The following ZNF654 variants were observed in gnomAD, a reference collection of about 807,000 sequenced individuals.
ZNF654 encodes melanoma-associated antigen.
In ZNF654, 19 loss-of-function variants were observed where a neutral mutation model predicts 95.3. That is an observed-to-expected ratio of 0.20 (90% CI 0.14 to 0.29). ZNF654 has a LOEUF of 0.29. Ranked by LOEUF, ZNF654 falls within the 10% of genes least tolerant of loss-of-function variation. The probability of loss-of-function intolerance (pLI) is 1.00; values close to 1 mark genes in which losing one functional copy is unlikely to be tolerated. For synonymous variants in ZNF654, 413 were observed against 457.9 expected (o/e 0.90, Z 1.25); for missense variants, 1,046 against 1,341.0 (o/e 0.78, Z 3.44).
At chr3:88,118,845 A>G (rs2107790309) in intron 3 of ZNF654, among the ~76,000 whole-genome samples, 1 of 152,188 alleles carries the variant, frequency 6.6e-6, no homozygotes, top group South Asian at 2.1e-4. Flanking sequence ...ATACCATCTC[A>G]CACCAGTTAG....
Position 88,113,099 on chromosome 3 carries a change from C to T in ZNF654, c.333-16C>T. 6.7e-7 allele frequency: 1 copy of T among 1,500,438 alleles called. No homozygotes were observed. Among genetic ancestry groups the T allele is most frequent in the Non-Finnish European group, 8.9e-7 (1 of 1,118,078 alleles). 92.9% of individuals were successfully genotyped at this position (1,500,438 alleles called of 1,614,324 possible). On this transcript the variant is annotated splice_polypyrimidine_tract_variant and intron_variant, in intron 2 of 8. Transcript: ENST00000636215. ...ACTCAAAGAAGCAATGAAAGTTATT[C>T]ACTTATTCTTTCTAGGAGTTTCTTT...
At chr3:88,101,790 T>C (rs540071639) in intron 2 of ZNF654, among the ~76,000 whole-genome samples, 2 of 152,270 alleles carry the variant, frequency 1.3e-5, no homozygotes, top group South Asian at 2.1e-4. Flanking sequence ...CAATTTCTTA[T>C]GGGGGTAGCA....
chr3:88,130,567 C>T lies in ZNF654; in HGVS notation c.893+741C>T, dbSNP rs1706391124. Reference sequence around the variant, plus strand: ...CTGGGCTCAAGTGATTTTCCCGCCTCAGCCTCCTCAGTAGCTGGGACTACA... The same window carrying T: ...CTGGGCTCAAGTGATTTTCCCGCCTTAGCCTCCTCAGTAGCTGGGACTACA... On this transcript the variant is annotated intron_variant, in intron 6 of 8. Transcript: ENST00000636215. 2.6e-5 allele frequency among the ~76,000 whole-genome samples: 4 copies of T among 151,806 alleles called. No individual in the cohort carries two copies. The South Asian group carries it at 6.2e-4, about 24-fold the overall frequency.
intron 6 of ZNF654, 108 bp from the exon 7 acceptor site, chr3:88,134,953 C>T: frequency 1.4e-6 from 1 of 691,350 alleles, no homozygotes; most frequent in Non-Finnish European, 2.1e-6. Context: ...TACATATTTA[C>T]ACTCATATAC....
chr3:88,100,265 A>G (rs1176079507), intron 2 of ZNF654, among the ~76,000 whole-genome samples: 1 of 152,196 alleles, frequency 6.6e-6, no homozygotes, highest in African/African-American at 2.4e-5. Flanking sequence ...AATCAAAACC[A>G]CAATGAGATA....
chr3:88,078,837 A>G (rs969791487), intron 1 of ZNF654, among the ~76,000 whole-genome samples: 3 of 152,074 alleles, frequency 2.0e-5, no homozygotes, highest in African/African-American at 7.2e-5. Flanking sequence ...ACTGTTGACT[A>G]AAGAATACTG....
chr3:88,099,769 A>G (rs1704293827), intron 2 of ZNF654, among the ~76,000 whole-genome samples: 1 of 152,206 alleles, frequency 6.6e-6, no homozygotes. Context: ...CTGGCTAGCC[A>G]TATGTAGAAA....
In ZNF654 at chr3:88,059,430, A is replaced by G. The variant is rs1706706288; in HGVS notation, c.111A>G (p.Arg37=). Residue 37 remains arginine (R), a synonymous_variant, in exon 1 of 9, where the codon AGA becomes AGG. Transcript: ENST00000636215. ...PVGLRAAGDG[R]GGAGSGNCGG... ...GGCTTAGAGCTGCGGGCGACGGCAGAGGCGGCGCTGGCAGCGGCAACTGCG... is the reference window on the plus strand; with the variant it reads ...GGCTTAGAGCTGCGGGCGACGGCAGGGGCGGCGCTGGCAGCGGCAACTGCG... The G allele has an allele frequency of 6.6e-7, 1 of 1,522,504 alleles. No individual in the cohort carries two copies. Among genetic ancestry groups the G allele is most frequent in the East Asian group, 2.5e-5 (1 of 40,102 alleles). The allele number at this position is 1,522,504 out of a possible 1,614,324, so 94.3% of individuals were successfully genotyped here. A position where few individuals can be genotyped will look rare whatever the true frequency, so the allele number is the denominator to read the frequency against.
At chr3:88,077,355 A>G (rs965882980) in intron 1 of ZNF654, among the ~76,000 whole-genome samples, 17 of 145,270 alleles carry the variant, frequency 1.2e-4, no homozygotes, top group Non-Finnish European at 1.5e-5. Context: ...TTTTTTTGAG[A>G]CGGAGTCTCG....
chr3:88,072,176 T>A (rs527762880), intron 1 of ZNF654, among the ~76,000 whole-genome samples: 1 of 152,202 alleles, frequency 6.6e-6, no homozygotes, highest in East Asian at 1.9e-4. Context: ...AACTGAATTA[T>A]CTAGTAAGGG....
intron 1 of ZNF654, among the ~76,000 whole-genome samples, chr3:88,084,024 T>A (rs1489215699): frequency 1.3e-5 from 2 of 151,932 alleles, no homozygotes; most frequent in African/African-American, 4.8e-5. Flanking sequence ...TTACAGTGCC[T>A]GACACGACAT....
intron 1 of ZNF654, among the ~76,000 whole-genome samples, chr3:88,070,504 A>T (rs1707443403): frequency 6.6e-6 from 1 of 151,726 alleles, no homozygotes; most frequent in African/African-American, 2.4e-5. Flanking sequence ...TAATTCAGAC[A>T]TACCAAAAAA....
intron 7 of ZNF654, 190 bp downstream of exon 7, chr3:88,135,392 T>C: frequency 2.6e-6 from 1 of 387,984 alleles, no homozygotes; most frequent in Non-Finnish European, 4.5e-6. Flanking sequence ...GATTTATTGT[T>C]ACTTAAAATT....
In ZNF654 at chr3:88,069,634, CT is replaced by C. The variant is rs1385157540; in HGVS notation, c.186+10133del. The stretch of plus-strand genomic sequence containing the variant: ...GCAAGCTTCAACATTCACATCAGGA[CT>C]TTTCTGCTACTTAGATGGAGAGTCT... On this transcript the variant is annotated intron_variant, in intron 1 of 8. Coordinates refer to ENST00000636215, the MANE Select transcript of ZNF654 (RefSeq NM_001350134.2). Among the ~76,000 whole-genome samples, 5 of 152,320 alleles carry C rather than the reference CT, an allele frequency of 3.3e-5. No individual in the cohort carries two copies. In the East Asian group the frequency reaches 9.6e-4, roughly 29 times the overall value.
At chr3:88,073,462 T>C (rs1257737858) in intron 1 of ZNF654, among the ~76,000 whole-genome samples, 1 of 152,104 alleles carries the variant, frequency 6.6e-6, no homozygotes, top group Non-Finnish European at 1.5e-5. Flanking sequence ...AGAATGAAAG[T>C]CTACATAAAA....
rs1257934947 is a variant in ZNF654 at position 88,141,521 on chromosome 3, C to T, written c.3380-124C>T. The T allele has an allele frequency of 6.6e-6, 4 of 603,250 alleles. No homozygotes were observed. The Admixed American group carries it at 1.6e-4, about 24-fold the overall frequency. 37.4% of individuals were successfully genotyped at this position (603,250 alleles called of 1,614,324 possible). On this transcript the variant is annotated intron_variant, in intron 8 of 8. Transcript: ENST00000636215. ...TTGAGAAACAAAATCAGAAAAAGAGCTTGTCTGTCTACTAATATCAATATC... is the reference window on the plus strand; with the variant it reads ...TTGAGAAACAAAATCAGAAAAAGAGTTTGTCTGTCTACTAATATCAATATC...
chr3:88,095,985 A>G, intron 2 of ZNF654: 1 of 249,552 alleles, frequency 4.0e-6, no homozygotes, highest in South Asian at 5.0e-5. Flanking sequence ...GCACTGTTCT[A>G]CCTGAAGGAC....
In ZNF654 at chr3:88,113,015, A is replaced by T. The variant is rs148693581; in HGVS notation, c.333-100A>T. On this transcript the variant is annotated intron_variant, in intron 2 of 8. Coordinates refer to ENST00000636215, the MANE Select transcript of ZNF654 (RefSeq NM_001350134.2). The stretch of plus-strand genomic sequence containing the variant: ...ACAATTTTTTAAACCAAAATATTTT[A>T]AGTCAAATATTGATATTAGATAGCT... 1,742 of 741,442 alleles carry T rather than the reference A, an allele frequency of 2.3e-3. 36 individuals are homozygous for T. The African/African-American group carries it at 0.028, about 12-fold the overall frequency. 45.9% of individuals were successfully genotyped at this position (741,442 alleles called of 1,614,324 possible). A position where few individuals can be genotyped will look rare whatever the true frequency, so the allele number is the denominator to read the frequency against.
rs190910218 is a variant in ZNF654 at position 88,060,130 on chromosome 3, C to T, written c.186+625C>T. Among the ~76,000 whole-genome samples, 8 of 152,010 alleles carry T rather than the reference C, an allele frequency of 5.3e-5. No individual in the cohort carries two copies. In the Middle Eastern group the frequency reaches 0.014, roughly 259 times the overall value. ...GCAATGTGATTGTCTTTTTTTTTAA[C>T]CTCCTTCGGTTGACACACGCACTCT... On this transcript the variant is annotated intron_variant, in intron 1 of 8. Coordinates refer to ENST00000636215, the MANE Select transcript of ZNF654 (RefSeq NM_001350134.2).
Sources: allele counts gnomAD v4.1 joint callset (sites outside exome capture counted in the v4.1 genomes callset), GRCh38; gene constraint gnomAD v4.1.1; transcripts MANE v1.5; gene names NCBI Gene and HGNC (gene_info 2026-07-23, HGNC 2026-07-21).